Variants in ERC2 observed in about 807,000 individuals in gnomAD.
ERC2 encodes ELKS/RAB6-interacting/CAST family member 2, also known as ERC protein 2.
Under a neutral mutation model 114.8 loss-of-function variants are expected in ERC2, and 42 were observed. The observed-to-expected ratio is 0.37, with a 90% CI of 0.29 to 0.47. The LOEUF (loss-of-function observed/expected upper bound fraction) is 0.47, where lower values mean the gene tolerates loss of function less well. ERC2 is among the 20% of genes least tolerant of loss of function. The pLI is 0.99. For missense variants in ERC2, 939 were observed against 1,150.7 expected (o/e 0.82, Z 2.66); for synonymous variants, 454 against 425.5 (o/e 1.07, Z -0.82).
At chr3:56,044,668 A>C (rs1269086553) in intron 7 of ERC2, among the ~76,000 whole-genome samples, 2 of 152,146 alleles carry the variant, frequency 1.3e-5, no homozygotes, top group Non-Finnish European at 2.9e-5. Context: ...ATATTGCAGA[A>C]AATTTCCTCT....
intron 4 of ERC2, among the ~76,000 whole-genome samples, chr3:56,169,387 A>C (rs755191714): frequency 1.2e-4 from 18 of 152,204 alleles, no homozygotes; most frequent in Non-Finnish European, 2.4e-4. Context: ...TCAGCTGCTA[A>C]GTTTGGAGTG....
At chr3:55,511,551 A>G (rs954436967) in intron 17 of ERC2, among the ~76,000 whole-genome samples, 2 of 152,204 alleles carry the variant, frequency 1.3e-5, no homozygotes, top group Non-Finnish European at 2.9e-5. Context: ...TTGATATACA[A>G]AAAAGGAAAT....
intron 12 of ERC2, among the ~76,000 whole-genome samples, chr3:55,980,629 C>A (rs2070049470): frequency 1.3e-5 from 2 of 152,020 alleles, no homozygotes; most frequent in South Asian, 4.2e-4. Flanking sequence ...CCCTTCTCAG[C>A]ATTTACAGAA....
intron 7 of ERC2, among the ~76,000 whole-genome samples, chr3:56,041,202 G>T (rs1419568270): frequency 3.3e-5 from 5 of 152,040 alleles, no homozygotes; most frequent in African/African-American, 7.2e-5. Flanking sequence ...AAGAGGTGGG[G>T]TTTTTTTCCT....
chr3:56,226,569 C>T (rs184847437), intron 3 of ERC2, among the ~76,000 whole-genome samples: 147 of 152,010 alleles, frequency 9.7e-4, no homozygotes, highest in African/African-American at 3.4e-3. Flanking sequence ...GTCTCTCTCT[C>T]TATATATATA....
intron 13 of ERC2, among the ~76,000 whole-genome samples, chr3:55,901,347 T>C (rs2149345034): frequency 6.6e-6 from 1 of 152,136 alleles, no homozygotes; most frequent in South Asian, 2.1e-4. Flanking sequence ...CCACTTAGAG[T>C]CTCATAAGGT....
intron 1 of ERC2, among the ~76,000 whole-genome samples, chr3:56,460,247 T>C (rs549090142): frequency 6.6e-6 from 1 of 152,326 alleles, no homozygotes; most frequent in Admixed American, 6.5e-5. Context: ...TTAAGGCTTG[T>C]TGGTTGTTTC....
intron 10 of ERC2, among the ~76,000 whole-genome samples, chr3:55,998,788 C>T (rs927029071): frequency 1.3e-5 from 2 of 152,106 alleles, no homozygotes; most frequent in African/African-American, 4.8e-5. Flanking sequence ...ATGAAACATG[C>T]CTGCTTTTTG....
chr3:56,072,866 G>T (rs1322959765), intron 7 of ERC2, among the ~76,000 whole-genome samples: 3 of 152,124 alleles, frequency 2.0e-5, no homozygotes, highest in Non-Finnish European at 1.5e-5. Flanking sequence ...CCTATTACAT[G>T]TTCCCTGTAC....
At chr3:56,336,557 G>T (rs1468100358) in intron 2 of ERC2, among the ~76,000 whole-genome samples, 1 of 152,176 alleles carries the variant, frequency 6.6e-6, no homozygotes, top group East Asian at 1.9e-4. Flanking sequence ...ACTTTGGGAG[G>T]CTGAGGCAGG....
chr3:55,908,557 C>T (rs2064606868), intron 13 of ERC2, among the ~76,000 whole-genome samples: 1 of 152,094 alleles, frequency 6.6e-6, no homozygotes. Context: ...GCTGGGCTGG[C>T]AGGTGAGTCC....
intron 11 of ERC2, among the ~76,000 whole-genome samples, chr3:55,990,043 C>T (rs1233933967): frequency 2.0e-5 from 3 of 152,088 alleles, no homozygotes; most frequent in Admixed American, 6.5e-5. Context: ...ATGAAAGAGA[C>T]ATGATCATAA....
chr3:55,699,948 T>G (rs1054743888), intron 15 of ERC2, among the ~76,000 whole-genome samples: 2 of 152,090 alleles, frequency 1.3e-5, no homozygotes, highest in African/African-American at 4.8e-5. Flanking sequence ...GAACTACAGA[T>G]AAACAATGGT....
At chr3:55,688,763 C>T (rs2062470675) in intron 16 of ERC2, among the ~76,000 whole-genome samples, 1 of 151,228 alleles carries the variant, frequency 6.6e-6, no homozygotes, top group Non-Finnish European at 1.5e-5. Context: ...TCATACTGTG[C>T]CATGATTCTC....
intron 2 of ERC2, among the ~76,000 whole-genome samples, chr3:56,359,428 T>C (rs1286948125): frequency 6.6e-6 from 1 of 152,246 alleles, no homozygotes. Context: ...CAATCATTCA[T>C]ACAATAAACA....
intron 4 of ERC2, among the ~76,000 whole-genome samples, chr3:56,171,572 A>T (rs1024130659): frequency 1.3e-5 from 2 of 152,216 alleles, no homozygotes; most frequent in Non-Finnish European, 2.9e-5. Context: ...GGCTCAATTT[A>T]GTGATAATAA....
intron 14 of ERC2, among the ~76,000 whole-genome samples, chr3:55,773,808 A>G (rs1211304998): frequency 6.6e-6 from 1 of 152,268 alleles, no homozygotes; most frequent in Non-Finnish European, 1.5e-5. Flanking sequence ...TTGCAAGTGC[A>G]CAGAGAAAAA....
chr3:56,446,625 C>CTTTTTTTTTTTTTTTTTT lies in ERC2; in HGVS notation c.-140-11479_-140-11478insAAAAAAAAAAAAAAAAAA, dbSNP rs1318263302. ...CGCATTTTCTTCTTTTTTTTTTTTT[C>CTTTTTTTTTTTTTTTTTT]TTTCTTTTTTTTTTTTTTGAGACGG... is the stretch of plus-strand genomic sequence containing the variant. On this transcript the variant is annotated intron_variant, in intron 1 of 17. Coordinates refer to ENST00000288221, the MANE Select transcript of ERC2 (RefSeq NM_015576.3). Among the ~76,000 whole-genome samples, 62 of 112,308 alleles carry CTTTTTTTTTTTTTTTTTT rather than the reference C, an allele frequency of 5.5e-4. 1 individual carries two copies. Among genetic ancestry groups the CTTTTTTTTTTTTTTTTTT allele is most frequent in the Middle Eastern group, 5.0e-3 (1 of 202 alleles). 73.7% of individuals were successfully genotyped at this position (112,308 alleles called of 152,430 possible). A position where few individuals can be genotyped will look rare whatever the true frequency, so the allele number is the denominator to read the frequency against.
At chr3:56,359,285 A>G (rs2058857563) in intron 2 of ERC2, among the ~76,000 whole-genome samples, 1 of 152,232 alleles carries the variant, frequency 6.6e-6, no homozygotes, top group Admixed American at 6.5e-5. Flanking sequence ...CCTCCCACAA[A>G]TGAATATGAT....
Sources: gnomAD v4.1 joint callset for allele counts (sites outside exome capture counted in the v4.1 genomes callset) on GRCh38, gnomAD v4.1.1 for gene constraint, MANE v1.5 for transcripts, NCBI Gene and HGNC (gene_info 2026-07-23, HGNC 2026-07-21) for gene names.